Variants in KCNIP4 observed in about 807,000 individuals in gnomAD.
The protein encoded by KCNIP4 is Kv channel-interacting protein 4.
KCNIP4 carries 12 observed loss-of-function variants against 34.0 expected under a neutral mutation model. The observed-to-expected ratio is 0.35, with a 90% CI of 0.23 to 0.57. The LOEUF (loss-of-function observed/expected upper bound fraction) is 0.57. Ranked by LOEUF, KCNIP4 falls within the 20% of genes least tolerant of loss-of-function variation. The pLI is 0.83. For missense variants in KCNIP4, 238 were observed against 311.7 expected (o/e 0.76, Z 1.78); for synonymous variants, 124 against 102.2 (o/e 1.21, Z -1.29).
intron 2 of KCNIP4, among the ~76,000 whole-genome samples, chr4:20,876,897 G>A (rs1421437302): frequency 2.0e-5 from 3 of 152,128 alleles, no homozygotes; most frequent in East Asian, 1.9e-4. Context: ...TAAGAGGAGT[G>A]TGACTCTAAG....
intron 1 of KCNIP4, among the ~76,000 whole-genome samples, chr4:21,100,055 C>T (rs1747803903): frequency 6.6e-6 from 1 of 152,136 alleles, no homozygotes; most frequent in African/African-American, 2.4e-5. Context: ...GGTGAAGATG[C>T]AGCAAACATT....
chr4:20,805,686 A>T (rs1047069882), intron 3 of KCNIP4, among the ~76,000 whole-genome samples: 1 of 152,174 alleles, frequency 6.6e-6, no homozygotes, highest in African/African-American at 2.4e-5. Context: ...TTAGACTACA[A>T]ACTGATCTCT....
At chr4:21,362,438 G>T (rs1207710919) in intron 1 of KCNIP4, among the ~76,000 whole-genome samples, 1 of 152,152 alleles carries the variant, frequency 6.6e-6, no homozygotes, top group African/African-American at 2.4e-5. Context: ...CAAAACTAGT[G>T]GTATTAGAAA....
chr4:20,782,478 G>C (rs1295054159), intron 3 of KCNIP4, among the ~76,000 whole-genome samples: 2 of 152,164 alleles, frequency 1.3e-5, no homozygotes, highest in Admixed American at 1.3e-4. Context: ...AATCTAGACA[G>C]AGGTTCCCAA....
chr4:21,032,530 T>C (rs1227311015), intron 1 of KCNIP4, among the ~76,000 whole-genome samples: 1 of 152,146 alleles, frequency 6.6e-6, no homozygotes, highest in East Asian at 1.9e-4. Flanking sequence ...TCAAGGAATA[T>C]ATTTCTTTGT....
chr4:21,919,231 T>C (rs1237587072), intron 1 of KCNIP4, among the ~76,000 whole-genome samples: 1 of 152,198 alleles, frequency 6.6e-6, no homozygotes, highest in East Asian at 1.9e-4. Flanking sequence ...GGGAATCTAA[T>C]TGCAGTTTAC....
chr4:21,049,220 G>C (rs1483354215), intron 1 of KCNIP4, among the ~76,000 whole-genome samples: 1 of 152,072 alleles, frequency 6.6e-6, no homozygotes, highest in South Asian at 2.1e-4. Flanking sequence ...AAAGTGCTGG[G>C]ATTACAGGCG....
At chr4:21,157,275 T>A (rs543762509) in intron 1 of KCNIP4, among the ~76,000 whole-genome samples, 2 of 152,266 alleles carry the variant, frequency 1.3e-5, no homozygotes, top group South Asian at 4.1e-4. Context: ...TGCCAGACAT[T>A]GTTGAGGCTC....
chr4:21,012,951 C>T (rs1036520463), intron 1 of KCNIP4, among the ~76,000 whole-genome samples: 1 of 152,168 alleles, frequency 6.6e-6, no homozygotes, highest in South Asian at 2.1e-4. Flanking sequence ...GTGTGACTCA[C>T]TGTAATCCTG....
intron 1 of KCNIP4, among the ~76,000 whole-genome samples, chr4:21,050,181 T>C (rs1385644330): frequency 6.6e-6 from 1 of 152,216 alleles, no homozygotes; most frequent in Non-Finnish European, 1.5e-5. Flanking sequence ...AATAAATATT[T>C]ACTATTTTTA....
rs972100160 is a variant in KCNIP4, at chr4:20,729,352, G to A, written c.*730C>T. The A allele has an allele frequency of 2.6e-5, 4 of 152,396 alleles. No individual in the cohort carries two copies. Among genetic ancestry groups the A allele is most frequent in the East Asian group, 3.9e-4 (2 of 5,190 alleles). 9.4% of individuals were successfully genotyped at this position (152,396 alleles called of 1,614,324 possible). ...TGATTGATACAATAGAAAACAGCCTGTAAGAAAGATTGAACAAATCCAAAA... is the reference window on the plus strand; with the variant it reads ...TGATTGATACAATAGAAAACAGCCTATAAGAAAGATTGAACAAATCCAAAA... On this transcript the variant is annotated 3_prime_UTR_variant, in exon 9 of 9. Transcript: ENST00000382152.
chr4:20,927,048 G>A (rs972123400), intron 1 of KCNIP4, among the ~76,000 whole-genome samples: 16 of 151,688 alleles, frequency 1.1e-4, no homozygotes, highest in African/African-American at 3.2e-4. Flanking sequence ...GTGTGATCTC[G>A]GCTCACTGCA....
chr4:21,526,073 C>A lies in KCNIP4; in HGVS notation c.61+422498G>T, dbSNP rs868400459. Among the ~76,000 whole-genome samples the A allele has an allele frequency of 2.0e-5, 3 of 152,022 alleles. No individual in the cohort carries two copies. The South Asian group carries it at 6.2e-4, about 32-fold the overall frequency. ...GGATGCCATCATATGATGAAAGGATCCATCATGAAAGGATGGATATGTAGA... is the reference window on the plus strand; with the variant it reads ...GGATGCCATCATATGATGAAAGGATACATCATGAAAGGATGGATATGTAGA... On this transcript the variant is annotated intron_variant, in intron 1 of 8. Transcript: ENST00000382152.
At chr4:21,190,154 T>C (rs62295279) in intron 1 of KCNIP4, among the ~76,000 whole-genome samples, 2,981 of 152,346 alleles carry the variant, frequency 0.02, 68 homozygotes, top group South Asian at 0.067. Context: ...TTGGAGTCTC[T>C]TGAGTCATCT....
At chr4:21,577,485 G>A (rs1209467490) in intron 1 of KCNIP4, among the ~76,000 whole-genome samples, 1 of 152,046 alleles carries the variant, frequency 6.6e-6, no homozygotes, top group Non-Finnish European at 1.5e-5. Flanking sequence ...CAAAAAATTA[G>A]GCAGGCATTG....
At chr4:21,417,750 T>C (rs1186436471) in intron 1 of KCNIP4, among the ~76,000 whole-genome samples, 4 of 152,176 alleles carry the variant, frequency 2.6e-5, no homozygotes, top group Non-Finnish European at 5.9e-5. Flanking sequence ...AGCTTTGCCA[T>C]ATTTGCTCAC....
At chr4:21,261,017 G>C (rs991663637) in intron 1 of KCNIP4, among the ~76,000 whole-genome samples, 5 of 152,234 alleles carry the variant, frequency 3.3e-5, no homozygotes, top group South Asian at 4.1e-4. Context: ...TTTATATTAA[G>C]AGATTTCCAT....
At chr4:20,884,428 G>T (rs978260291) in intron 1 of KCNIP4, among the ~76,000 whole-genome samples, 1 of 150,668 alleles carries the variant, frequency 6.6e-6, no homozygotes. Flanking sequence ...ACCCCCGTGT[G>T]TGATGTTCCC....
intron 3 of KCNIP4, among the ~76,000 whole-genome samples, chr4:20,806,160 T>C (rs537860877): frequency 1.3e-5 from 2 of 152,122 alleles, no homozygotes; most frequent in Non-Finnish European, 2.9e-5. Context: ...AATGAGTTTC[T>C]TTATTGTCAC....
Sources: allele counts gnomAD v4.1 joint callset (sites outside exome capture counted in the v4.1 genomes callset), GRCh38; gene constraint gnomAD v4.1.1; transcripts MANE v1.5; gene names NCBI Gene and HGNC (gene_info 2026-07-23, HGNC 2026-07-21).